Variants in CEP41 observed in about 807,000 individuals in gnomAD.
CEP41 encodes centrosomal protein of 41 kDa.
A neutral mutation model predicts 44.3 loss-of-function variants in CEP41; 32 were observed. The ratio of observed to expected loss-of-function variants is 0.72; its 90% CI spans 0.54 to 0.97. The LOEUF (loss-of-function observed/expected upper bound fraction) is 0.97. Among genes scored for constraint, CEP41 ranks in the 50% least tolerant of loss-of-function variants. The probability of loss-of-function intolerance (pLI) is 0.00; values close to 1 mark genes in which losing one functional copy is unlikely to be tolerated. For synonymous variants in CEP41, 151 were observed against 168.5 expected (o/e 0.90, Z 0.80); for missense variants, 432 against 455.2 (o/e 0.95, Z 0.46).
intron 5 of CEP41, among the ~76,000 whole-genome samples, chr7:130,405,572 A>G (rs963722902): frequency 6.6e-6 from 1 of 152,184 alleles, no homozygotes. Flanking sequence ...TGAGAATAAT[A>G]TATGTGATTT....
chr7:130,409,443 A>G (rs948716435), intron 5 of CEP41, among the ~76,000 whole-genome samples: 1 of 152,226 alleles, frequency 6.6e-6, no homozygotes, highest in South Asian at 2.1e-4. Context: ...GACTCAAATT[A>G]TCTCTGCTAC....
chr7:130,416,048 C>T (rs1797325936), intron 3 of CEP41, among the ~76,000 whole-genome samples: 1 of 152,110 alleles, frequency 6.6e-6, no homozygotes, highest in Admixed American at 6.6e-5. Context: ...TCAAATGGAA[C>T]TTTGATTTCA....
chr7:130,432,719 C>T (rs886620153), intron 1 of CEP41, among the ~76,000 whole-genome samples: 23 of 151,734 alleles, frequency 1.5e-4, no homozygotes, highest in African/African-American at 5.6e-4. Context: ...ATGTTCCTGC[C>T]ATTGCAATCC....
intron 5 of CEP41, among the ~76,000 whole-genome samples, chr7:130,404,922 A>T (rs1213802014): frequency 1.3e-5 from 2 of 152,136 alleles, no homozygotes; most frequent in Non-Finnish European, 2.9e-5. Flanking sequence ...TTTTCATGAG[A>T]TGTTACTTGT....
chr7:130,398,032 C>T lies in CEP41; in HGVS notation c.*859G>A, dbSNP rs781930185. On this transcript the variant is annotated 3_prime_UTR_variant, in exon 11 of 11. Transcript: ENST00000223208. ...AACCAAAGCTGGTATTTTCAACTGG[C>T]CATAATTTCTGTCCATCTAACATGG... The T allele has an allele frequency of 2.0e-4, 90 of 454,108 alleles. No individual in the cohort carries two copies. Among genetic ancestry groups the T allele is most frequent in the Middle Eastern group, 1.4e-3 (2 of 1,466 alleles). 28.1% of individuals were successfully genotyped at this position (454,108 alleles called of 1,614,324 possible).
intron 1 of CEP41, among the ~76,000 whole-genome samples, chr7:130,434,465 C>A (rs1031790890): frequency 2.6e-5 from 4 of 152,106 alleles, no homozygotes; most frequent in African/African-American, 9.7e-5. Flanking sequence ...ACTACTATCT[C>A]AAATATATAA....
At chr7:130,440,826 T>C (rs1442079938) in intron 1 of CEP41, 108 bp downstream of exon 1, 283 of 415,474 alleles carry the variant, frequency 6.8e-4, no homozygotes, top group Non-Finnish European at 8.9e-4. Flanking sequence ...CGCCGGCCCC[T>C]TCCCGCCTTC....
intron 3 of CEP41, among the ~76,000 whole-genome samples, chr7:130,415,993 C>T (rs1292762868): frequency 4.6e-5 from 7 of 152,184 alleles, no homozygotes; most frequent in African/African-American, 1.7e-4. Flanking sequence ...AAAGCAGCTC[C>T]TGAGTCCACA....
chr7:130,397,747 CT>C lies in CEP41; in HGVS notation c.*1143del. On this transcript the variant is annotated 3_prime_UTR_variant, in exon 11 of 11. Transcript: ENST00000223208. ...AGAGTTCCTCATCCTTACCTGAGGC[CT>C]TTTGTTCCCCCAATTAAATGGAATG... 2.2e-6 allele frequency: 1 copy of C among 451,366 alleles called. No individual in the cohort carries two copies. The highest frequency in any genetic ancestry group is 4.4e-6 in the Non-Finnish European group (1 of 225,090). The allele number at this position is 451,366 out of a possible 1,614,324, so 28.0% of individuals were successfully genotyped here.
In CEP41 at chr7:130,396,575, C is replaced by G. The variant is rs1351244036; in HGVS notation, c.*2316G>C. ...TTAATCTTCAACATTCATAATTGCA[C>G]AAAGCATCACTGGTCATTTAAATAA... On this transcript the variant is annotated 3_prime_UTR_variant, in exon 11 of 11. Coordinates refer to ENST00000223208, the MANE Select transcript of CEP41 (RefSeq NM_018718.3). 4.4e-6 allele frequency: 2 copies of G among 454,350 alleles called. No homozygotes were observed. The highest frequency in any genetic ancestry group is 2.0e-5 in the African/African-American group (1 of 49,990). The allele number at this position is 454,350 out of a possible 1,614,324, so 28.1% of individuals were successfully genotyped here. A position where few individuals can be genotyped will look rare whatever the true frequency, so the allele number is the denominator to read the frequency against.
chr7:130,426,732 C>T (rs782171020), intron 2 of CEP41: 1 of 449,136 alleles, frequency 2.2e-6, no homozygotes, highest in African/African-American at 2.0e-5. Flanking sequence ...AGAAACAAGG[C>T]TTGGGGGAAA....
chr7:130,408,648 T>C (rs782731131), intron 5 of CEP41, among the ~76,000 whole-genome samples: 1 of 152,194 alleles, frequency 6.6e-6, no homozygotes, highest in Non-Finnish European at 1.5e-5. Context: ...TGCAAACAGG[T>C]AGAACCATGC....
chr7:130,395,956 G>A lies in CEP41; in HGVS notation c.*2935C>T, dbSNP rs1796645323. ...ATTCCATACTTTTTCAAGAGATTGA[G>A]CCTGACATTATTACAGCCCAGGGTG... On this transcript the variant is annotated 3_prime_UTR_variant, in exon 11 of 11. Coordinates refer to ENST00000223208, the MANE Select transcript of CEP41 (RefSeq NM_018718.3). 6.6e-6 allele frequency: 3 copies of A among 453,272 alleles called. No homozygotes were observed. The highest frequency in any genetic ancestry group is 1.6e-5 in the South Asian group (1 of 64,170). The allele number at this position is 453,272 out of a possible 1,614,324, so 28.1% of individuals were successfully genotyped here. A position where few individuals can be genotyped will look rare whatever the true frequency, so the allele number is the denominator to read the frequency against.
At chr7:130,416,861 C>T in intron 3 of CEP41, 58 bp downstream of exon 3, 2 of 1,309,704 alleles carry the variant, frequency 1.5e-6, no homozygotes, top group Admixed American at 3.4e-5. Context: ...AGTTAAGAAC[C>T]AATTTATAGA....
At chr7:130,416,379 T>G (rs1331693786) in intron 3 of CEP41, among the ~76,000 whole-genome samples, 1 of 152,232 alleles carries the variant, frequency 6.6e-6, no homozygotes, top group African/African-American at 2.4e-5. Flanking sequence ...TGGTAACATA[T>G]CTTTGCAGAT....
rs553201360 is a variant in CEP41 at position 130,423,198 on chromosome 7, T to C, written c.97+4757A>G. ...CCTGAGCTAAGGCAATCCACCTGCCTCGGCCTCCCAAAGTGCTGGGATTAC... is the reference window on the plus strand; with the variant it reads ...CCTGAGCTAAGGCAATCCACCTGCCCCGGCCTCCCAAAGTGCTGGGATTAC... On this transcript the variant is annotated intron_variant, in intron 2 of 10. Coordinates refer to ENST00000223208, the MANE Select transcript of CEP41 (RefSeq NM_018718.3). 2.0e-5 allele frequency among the ~76,000 whole-genome samples: 3 copies of C among 152,308 alleles called. No individual in the cohort carries two copies. The East Asian group carries it at 5.8e-4, about 29-fold the overall frequency.
intron 5 of CEP41, among the ~76,000 whole-genome samples, chr7:130,405,525 TC>T (rs1185993507): frequency 1.3e-5 from 2 of 152,174 alleles, no homozygotes; most frequent in Admixed American, 1.3e-4. Context: ...GGGAGCTGCT[TC>T]CCCATGCTTA....
chr7:130,407,550 T>C (rs1394879986), intron 5 of CEP41, among the ~76,000 whole-genome samples: 1 of 152,050 alleles, frequency 6.6e-6, no homozygotes, highest in East Asian at 1.9e-4. Flanking sequence ...TGGAAAAGAA[T>C]ATAAATAAAA....
At chr7:130,434,384 C>T (rs1413656754) in intron 1 of CEP41, among the ~76,000 whole-genome samples, 12 of 151,726 alleles carry the variant, frequency 7.9e-5, no homozygotes, top group Middle Eastern at 3.2e-3. Flanking sequence ...TACAAAAGAC[C>T]CTGTGAAGAA....
Sources: allele counts gnomAD v4.1 joint callset (sites outside exome capture counted in the v4.1 genomes callset), GRCh38; gene constraint gnomAD v4.1.1; transcripts MANE v1.5; gene names NCBI Gene and HGNC (gene_info 2026-07-23, HGNC 2026-07-21).